Variants in ZFPM2 observed in about 807,000 individuals in gnomAD.
The protein encoded by ZFPM2 is zinc finger protein, FOG family member 2.
ZFPM2 carries 20 observed loss-of-function variants against 98.6 expected under a neutral mutation model. The observed-to-expected ratio is 0.20, with a 90% CI of 0.14 to 0.29. The LOEUF (loss-of-function observed/expected upper bound fraction) is 0.29, where lower values mean the gene tolerates loss of function less well. ZFPM2 is among the 10% of genes least tolerant of loss of function. The pLI, the probability that ZFPM2 is intolerant of heterozygous loss-of-function variation, is 1.00. For synonymous variants in ZFPM2, 518 were observed against 502.7 expected (o/e 1.03, Z -0.41); for missense variants, 1,310 against 1,388.6 (o/e 0.94, Z 0.90).
At chr8:105,434,334 A>G (rs1270116440) in intron 2 of ZFPM2, among the ~76,000 whole-genome samples, 3 of 152,242 alleles carry the variant, frequency 2.0e-5, no homozygotes, top group Non-Finnish European at 4.4e-5. Context: ...ATAACCAAAC[A>G]ATTGTGTTAA....
At chr8:105,720,314 T>A (rs1350160226) in intron 5 of ZFPM2, among the ~76,000 whole-genome samples, 1 of 151,944 alleles carries the variant, frequency 6.6e-6, no homozygotes, top group African/African-American at 2.4e-5. Flanking sequence ...AGGTTTTACA[T>A]ATTTCACAAA....
chr8:105,404,524 A>AT lies in ZFPM2; in HGVS notation c.41-14613dup, dbSNP rs200986015. Among the ~76,000 whole-genome samples the AT allele has an allele frequency of 5.5e-3, 840 of 151,914 alleles. 7 individuals carry two copies. The highest frequency in any genetic ancestry group is 0.014 in the Middle Eastern group (4 of 294). ...CACGTATGAATCTGAATTTTTCTTT[A>AT]TTTTTTTGTCAGTCTGTGCAGTTCT... On this transcript the variant is annotated intron_variant, in intron 1 of 7. Transcript: ENST00000407775.
At position 105,801,178 on chromosome 8, in the gene ZFPM2, A is replaced by C; in HGVS notation, c.1096A>C (p.Asn366His). ...TCTCACTCAAGCTGCCTTCCGATGT[A>C]ATCACTGCCATTTCGGCTTCCAGAC... is the stretch of plus-strand genomic sequence containing the variant. ...SHLTQAAFRC[N>H]HCHFGFQTQR... is the part of the protein sequence containing the mutation. The change falls in exon 8 of 8, where the codon AAT becomes CAT. Residue 366 changes from asparagine to histidine, a missense_variant. Asn to His is a moderately conservative substitution (Grantham distance 68, BLOSUM62 1). Coordinates refer to ENST00000407775, the MANE Select transcript of ZFPM2 (RefSeq NM_012082.4). The C allele has an allele frequency of 6.2e-7, 1 of 1,613,928 alleles. No homozygotes were observed. Among genetic ancestry groups the C allele is most frequent in the Non-Finnish European group, 8.5e-7 (1 of 1,179,874 alleles).
At chr8:105,583,422 A>T (rs1398372308) in intron 4 of ZFPM2, among the ~76,000 whole-genome samples, 3 of 152,130 alleles carry the variant, frequency 2.0e-5, no homozygotes, top group African/African-American at 7.2e-5. Context: ...AAGCTTTCTA[A>T]TGCTTACAGA....
At chr8:105,372,815 T>A (rs1470330971) in intron 1 of ZFPM2, among the ~76,000 whole-genome samples, 1 of 152,150 alleles carries the variant, frequency 6.6e-6, no homozygotes, top group Non-Finnish European at 1.5e-5. Flanking sequence ...CTTCTAAGTT[T>A]TATCCATCAG....
chr8:105,555,668 C>A (rs910627967), intron 3 of ZFPM2, among the ~76,000 whole-genome samples: 4 of 152,012 alleles, frequency 2.6e-5, no homozygotes, highest in Non-Finnish European at 5.9e-5. Flanking sequence ...CAAGGAGAAA[C>A]CTACTAGGGA....
Position 105,478,298 on chromosome 8 carries a change from T to C in ZFPM2, c.301+33917T>C, listed in dbSNP as rs145009405. On this transcript the variant is annotated intron_variant, in intron 3 of 7. Coordinates refer to ENST00000407775, the MANE Select transcript of ZFPM2 (RefSeq NM_012082.4). Reference sequence around the variant, plus strand: ...ACATGGGTTAAAACTGATGTGAAGATTGAATGATAATGTATGTTGAACTTC... The same window carrying C: ...ACATGGGTTAAAACTGATGTGAAGACTGAATGATAATGTATGTTGAACTTC... 1.4e-3 allele frequency among the ~76,000 whole-genome samples: 214 copies of C among 152,330 alleles called. 1 individual carries two copies. The highest frequency in any genetic ancestry group is 2.4e-3 in the Non-Finnish European group (161 of 68,028).
intron 3 of ZFPM2, among the ~76,000 whole-genome samples, chr8:105,501,431 C>T (rs1288866499): frequency 1.3e-5 from 2 of 151,854 alleles, no homozygotes; most frequent in Admixed American, 6.6e-5. Context: ...GTGATCCACC[C>T]GCCTGGGCCT....
chr8:105,599,577 A>G (rs1816048848), intron 4 of ZFPM2, among the ~76,000 whole-genome samples: 1 of 151,994 alleles, frequency 6.6e-6, no homozygotes, highest in East Asian at 1.9e-4. Context: ...AGTATCAAGG[A>G]AGGATTAGCA....
At chr8:105,382,571 A>G (rs1370522370) in intron 1 of ZFPM2, among the ~76,000 whole-genome samples, 1 of 152,104 alleles carries the variant, frequency 6.6e-6, no homozygotes, top group Non-Finnish European at 1.5e-5. Flanking sequence ...GCGTTTGCAT[A>G]TATACCTACC....
intron 1 of ZFPM2, chr8:105,388,053 A>G (rs1811036490): frequency 6.6e-6 from 1 of 152,258 alleles, no homozygotes; most frequent in Non-Finnish European, 1.5e-5. Flanking sequence ...CACCAAATTA[A>G]TTCAAGACAT....
chr8:105,731,510 T>C (rs1169095944), intron 5 of ZFPM2, among the ~76,000 whole-genome samples: 1 of 151,700 alleles, frequency 6.6e-6, no homozygotes, highest in African/African-American at 2.4e-5. Context: ...AGGGCTCATA[T>C]GTCCTTCTAC....
chr8:105,381,813 G>T (rs1365484377), intron 1 of ZFPM2, among the ~76,000 whole-genome samples: 2 of 151,966 alleles, frequency 1.3e-5, no homozygotes, highest in Non-Finnish European at 2.9e-5. Flanking sequence ...CGTAATTGTG[G>T]TTTTTTTGAT....
chr8:105,566,671 G>T (rs543929868), intron 4 of ZFPM2, among the ~76,000 whole-genome samples: 1 of 152,186 alleles, frequency 6.6e-6, no homozygotes, highest in African/African-American at 2.4e-5. Flanking sequence ...GCCCTCTCTT[G>T]CTTTTAAATA....
intron 3 of ZFPM2, among the ~76,000 whole-genome samples, chr8:105,526,225 C>T (rs1384862429): frequency 6.6e-6 from 1 of 152,124 alleles, no homozygotes; most frequent in East Asian, 1.9e-4. Context: ...GGCCTCTGCT[C>T]TTCAAATATT....
chr8:105,551,689 C>T (rs1351104342), intron 3 of ZFPM2, among the ~76,000 whole-genome samples: 1 of 148,946 alleles, frequency 6.7e-6, no homozygotes, highest in Non-Finnish European at 1.5e-5. Flanking sequence ...ACCTAAAAAT[C>T]ACCTCTCCAC....
At chr8:105,675,148 C>G (rs899867816) in intron 5 of ZFPM2, among the ~76,000 whole-genome samples, 7 of 152,170 alleles carry the variant, frequency 4.6e-5, no homozygotes, top group Admixed American at 1.3e-4. Context: ...AAATTCATGA[C>G]TGGCATGAAG....
At chr8:105,645,091 C>G (rs997889237) in intron 5 of ZFPM2, among the ~76,000 whole-genome samples, 1 of 152,058 alleles carries the variant, frequency 6.6e-6, no homozygotes, top group African/African-American at 2.4e-5. Flanking sequence ...TTAAACAGTG[C>G]ATGGCACATA....
intron 3 of ZFPM2, among the ~76,000 whole-genome samples, chr8:105,546,793 G>T (rs891165853): frequency 2.0e-5 from 3 of 152,070 alleles, no homozygotes; most frequent in African/African-American, 7.2e-5. Flanking sequence ...AAGATGGTTA[G>T]CAAAGTTTTT....
Sources: gnomAD v4.1 joint callset for allele counts (sites outside exome capture counted in the v4.1 genomes callset) on GRCh38, gnomAD v4.1.1 for gene constraint, MANE v1.5 for transcripts, NCBI Gene and HGNC (gene_info 2026-07-23, HGNC 2026-07-21) for gene names.